Variants in RGS7BP observed in about 807,000 individuals in gnomAD.
RGS7BP encodes the protein regulator of G protein signaling 7-binding protein.
In RGS7BP, 9 loss-of-function variants were observed where a neutral mutation model predicts 31.3. The ratio of observed to expected loss-of-function variants is 0.29; its 90% CI spans 0.17 to 0.50. The LOEUF (loss-of-function observed/expected upper bound fraction) is 0.50, where lower values mean the gene tolerates loss of function less well. Ranked by LOEUF, RGS7BP falls within the 20% of genes least tolerant of loss-of-function variation. The probability of loss-of-function intolerance (pLI) is 0.98; values close to 1 mark genes in which losing one functional copy is unlikely to be tolerated. For missense variants in RGS7BP, 274 were observed against 322.0 expected (o/e 0.85, Z 1.14); for synonymous variants, 115 against 120.1 (o/e 0.96, Z 0.28).
Position 64,601,002 on chromosome 5 carries a change from A to G in RGS7BP, c.682+2567A>G, listed in dbSNP as rs543674863. ...AGAGGCTTCCCCAATTCCTTTCCGG[A>G]ATTCTTTTCAGGTGGTTTATTTATT... On this transcript the variant is annotated intron_variant, in intron 5 of 5. Coordinates refer to ENST00000334025, the MANE Select transcript of RGS7BP (RefSeq NM_001029875.3). Among the ~76,000 whole-genome samples, 10 of 152,258 alleles carry G rather than the reference A, an allele frequency of 6.6e-5. No individual in the cohort carries two copies. The East Asian group carries it at 1.4e-3, about 21-fold the overall frequency.
At chr5:64,542,366 T>TA (rs1471205839) in intron 2 of RGS7BP, among the ~76,000 whole-genome samples, 2 of 152,234 alleles carry the variant, frequency 1.3e-5, no homozygotes. Context: ...TGCTGTTTTT[T>TA]AAAAAATGCC....
intron 5 of RGS7BP, chr5:64,601,531 C>A: frequency 1.4e-6 from 1 of 698,356 alleles, no homozygotes; most frequent in Non-Finnish European, 1.8e-6. Flanking sequence ...TCTTTCCCGT[C>A]CATCCAGTTT....
chr5:64,556,250 T>A (rs1359248874), intron 2 of RGS7BP, among the ~76,000 whole-genome samples: 1 of 151,990 alleles, frequency 6.6e-6, no homozygotes, highest in Non-Finnish European at 1.5e-5. Context: ...CTAATGAGGC[T>A]GAGTATTTTT....
Position 64,609,334 on chromosome 5 carries a change from G to A in RGS7BP, c.*82G>A, listed in dbSNP as rs1016755803. The A allele has an allele frequency of 3.7e-6, 3 of 804,628 alleles. No individual in the cohort carries two copies. In the African/African-American group the frequency reaches 5.1e-5, roughly 14 times the overall value. 49.8% of individuals were successfully genotyped at this position (804,628 alleles called of 1,614,324 possible). On this transcript the variant is annotated 3_prime_UTR_variant, in exon 6 of 6. Transcript: ENST00000334025. ...GACCTCCAGACAGCTGAACCACACAGTTATTGGTTTTTGACTATGTTTTCT... is the reference window on the plus strand; with the variant it reads ...GACCTCCAGACAGCTGAACCACACAATTATTGGTTTTTGACTATGTTTTCT...
At chr5:64,521,796 G>C (rs1215459298) in intron 2 of RGS7BP, among the ~76,000 whole-genome samples, 1 of 152,130 alleles carries the variant, frequency 6.6e-6, no homozygotes, top group Non-Finnish European at 1.5e-5. Flanking sequence ...CTTGAATTGT[G>C]CATCAAAAAC....
chr5:64,531,729 A>T (rs901441296), intron 2 of RGS7BP, among the ~76,000 whole-genome samples: 31 of 152,214 alleles, frequency 2.0e-4, no homozygotes, highest in Admixed American at 1.6e-3. Flanking sequence ...CCTGAAAAAA[A>T]TCTTGTTTGT....
At chr5:64,553,746 G>A (rs907050153) in intron 2 of RGS7BP, among the ~76,000 whole-genome samples, 1 of 152,038 alleles carries the variant, frequency 6.6e-6, no homozygotes, top group South Asian at 2.1e-4. Flanking sequence ...GTGAGATAAT[G>A]TATCTATTTC....
intron 2 of RGS7BP, among the ~76,000 whole-genome samples, chr5:64,571,059 C>G (rs570461340): frequency 6.6e-6 from 1 of 152,150 alleles, no homozygotes; most frequent in South Asian, 2.1e-4. Context: ...TATAGAATAT[C>G]ACCCTCACCC....
intron 2 of RGS7BP, among the ~76,000 whole-genome samples, chr5:64,527,150 A>G (rs1749251241): frequency 6.6e-6 from 1 of 152,208 alleles, no homozygotes; most frequent in South Asian, 2.1e-4. Flanking sequence ...GTATTATACC[A>G]TTCCCTGTTT....
Position 64,575,884 on chromosome 5 carries a change from C to A in RGS7BP, c.443C>A (p.Ser148Tyr), listed in dbSNP as rs1742407996. Residue 148 changes from serine to tyrosine, a missense_variant, in exon 3 of 6, where the codon TCT (serine) becomes TAT (tyrosine). By Grantham distance (144) the Ser-to-Tyr change is moderately radical (BLOSUM62 -2). Around this residue, in one of 3 missense-constraint regions of RGS7BP, gnomAD observed 112 missense variants for 130.9 expected, o/e 0.86. Coordinates refer to ENST00000334025, the MANE Select transcript of RGS7BP (RefSeq NM_001029875.3). Reference protein sequence around the residue: ...EMLKSICLLGSLQFHRKGKEP... With the variant: ...EMLKSICLLGYLQFHRKGKEP... ...CTAAAATCCATATGTCTGCTGGGGT[C>A]TCTTCAGTTTCATCGAAAAGGTATC... 4 of 1,611,066 alleles carry A rather than the reference C, an allele frequency of 2.5e-6. No homozygotes were observed. Among genetic ancestry groups the A allele is most frequent in the Non-Finnish European group, 3.4e-6 (4 of 1,178,792 alleles).
chr5:64,510,711 G>C (rs1561317521), intron 2 of RGS7BP, among the ~76,000 whole-genome samples: 1 of 152,136 alleles, frequency 6.6e-6, no homozygotes, highest in Non-Finnish European at 1.5e-5. Flanking sequence ...CTCAATAATT[G>C]TTTTTTAGAA....
At chr5:64,602,574 T>A (rs1007995825) in intron 5 of RGS7BP, among the ~76,000 whole-genome samples, 1 of 152,134 alleles carries the variant, frequency 6.6e-6, no homozygotes, top group South Asian at 2.1e-4. Flanking sequence ...AGGTCTCTCC[T>A]CCACTAAAAC....
chr5:64,556,433 A>ACACACC (rs1434451439), intron 2 of RGS7BP, among the ~76,000 whole-genome samples: 14 of 146,588 alleles, frequency 9.6e-5, no homozygotes, highest in African/African-American at 2.9e-4. Context: ...ACACACACAC[A>ACACACC]CACACACACA....
intron 2 of RGS7BP, among the ~76,000 whole-genome samples, chr5:64,514,788 T>C (rs1748929483): frequency 6.6e-6 from 1 of 152,148 alleles, no homozygotes; most frequent in African/African-American, 2.4e-5. Flanking sequence ...CTAATACTGT[T>C]GCTTAAGGAC....
At chr5:64,550,529 T>C (rs1741767348) in intron 2 of RGS7BP, among the ~76,000 whole-genome samples, 1 of 150,558 alleles carries the variant, frequency 6.6e-6, no homozygotes, top group Non-Finnish European at 1.5e-5. Flanking sequence ...GTGAGGGGAT[T>C]CAGGCCATAA....
chr5:64,572,535 T>C (rs572902916), intron 2 of RGS7BP, among the ~76,000 whole-genome samples: 4 of 152,292 alleles, frequency 2.6e-5, no homozygotes, highest in African/African-American at 9.6e-5. Flanking sequence ...TCCACTTTTC[T>C]TTAAATAGTT....
At chr5:64,596,913 G>A (rs891762030) in intron 4 of RGS7BP, among the ~76,000 whole-genome samples, 3 of 152,098 alleles carry the variant, frequency 2.0e-5, no homozygotes, top group Non-Finnish European at 4.4e-5. Context: ...GGACTGAGAG[G>A]TTTCATACCT....
chr5:64,604,335 C>A (rs75087739), intron 5 of RGS7BP, among the ~76,000 whole-genome samples: 10 of 152,152 alleles, frequency 6.6e-5, no homozygotes, highest in Non-Finnish European at 1.2e-4. Flanking sequence ...GAATCTCCCC[C>A]CCTTCTCCTG....
chr5:64,606,069 C>A (rs773498333), intron 5 of RGS7BP, among the ~76,000 whole-genome samples: 3 of 140,488 alleles, frequency 2.1e-5, no homozygotes, highest in African/African-American at 2.7e-5. Context: ...GAAGGCTGAG[C>A]GAGAAGAATT....
Sources: allele counts gnomAD v4.1 joint callset (sites outside exome capture counted in the v4.1 genomes callset), GRCh38; gene constraint gnomAD v4.1.1; regional missense constraint gnomAD v4.1.1; transcripts MANE v1.5; gene names NCBI Gene and HGNC (gene_info 2026-07-23, HGNC 2026-07-21).